The following ACOT12 variants were observed in gnomAD, a reference collection of about 807,000 sequenced individuals.
ACOT12 encodes the protein acyl-CoA thioesterase 12.
ACOT12 carries 51 observed loss-of-function variants against 67.7 expected under a neutral mutation model. That is an observed-to-expected ratio of 0.75 (90% confidence interval 0.60 to 0.95). The LOEUF is 0.95. Among genes scored for constraint, ACOT12 ranks in the 40% least tolerant of loss-of-function variants. The pLI is 0.00. For synonymous variants in ACOT12, 251 were observed against 244.6 expected (o/e 1.03, Z -0.24); for missense variants, 734 against 708.1 (o/e 1.04, Z -0.41).
the ACOT12 span, among the ~76,000 whole-genome samples, chr5:81,317,545 A>G: frequency 6.6e-6 from 1 of 151,640 alleles, no homozygotes; most frequent in Non-Finnish European, 1.5e-5. Flanking sequence ...ACAGTTTCAC[A>G]GGCTATACAG....
rs114791695 is a variant in ACOT12 at position 81,369,439 on chromosome 5, T to A, written c.258+2311A>T. Among the ~76,000 whole-genome samples, 875 of 152,274 alleles carry A rather than the reference T, an allele frequency of 5.7e-3. 5 individuals carry two copies. Among genetic ancestry groups the A allele is most frequent in the African/African-American group, 0.018 (734 of 41,554 alleles). On this transcript the variant is annotated intron_variant, in intron 3 of 14. Transcript: ENST00000307624. ...TTGAACAGGAAGACGCTAAAGGACA[T>A]GTCCAGTTTGAAAAAGTAAAAATAA...
the ACOT12 span, among the ~76,000 whole-genome samples, chr5:81,320,145 C>T: frequency 1.3e-5 from 2 of 152,146 alleles, no homozygotes; most frequent in Non-Finnish European, 2.9e-5. Context: ...TTTCAATCTC[C>T]TTAAAAGCAT....
intron 5 of ACOT12, among the ~76,000 whole-genome samples, chr5:81,352,727 A>G (rs1287431973): frequency 1.3e-5 from 2 of 152,196 alleles, no homozygotes; most frequent in Non-Finnish European, 2.9e-5. Context: ...TTAATTATAT[A>G]TTTAAAAATA....
intron 7 of ACOT12, 25 bp downstream of exon 7, chr5:81,345,860 A>G (rs775849853): frequency 6.2e-7 from 1 of 1,612,988 alleles, no homozygotes; most frequent in Non-Finnish European, 8.5e-7. Flanking sequence ...AAATTTCTTC[A>G]TAGCAGCCTA....
Position 81,345,068 on chromosome 5 carries a change from G to A in ACOT12, c.774-27C>T, listed in dbSNP as rs754862104. On this transcript the variant is annotated intron_variant, in intron 7 of 14. Coordinates refer to ENST00000307624, the MANE Select transcript of ACOT12 (RefSeq NM_130767.3). ...TGTGAAGGGTGATGCAGGGCGGTGG[G>A]CAAAGAGGATCTTGACCCATCAGGC... is the stretch of plus-strand genomic sequence containing the variant. 6.2e-6 allele frequency: 10 copies of A among 1,612,310 alleles called. No homozygotes were observed. In the African/African-American group the frequency reaches 1.2e-4, roughly 19 times the overall value.
At chr5:81,371,546 C>T (rs147831320) in intron 3 of ACOT12, among the ~76,000 whole-genome samples, 2 of 152,286 alleles carry the variant, frequency 1.3e-5, no homozygotes, top group African/African-American at 4.8e-5. Flanking sequence ...AGCTACCATG[C>T]CTGGCCATGT....
intron 2 of ACOT12, among the ~76,000 whole-genome samples, chr5:81,383,133 G>A (rs984258907): frequency 6.6e-6 from 1 of 152,058 alleles, no homozygotes; most frequent in African/African-American, 2.4e-5. Context: ...GGTGGCAGGC[G>A]CATGTAATCC....
chr5:81,393,526 A>AC (rs983431749), intron 1 of ACOT12, among the ~76,000 whole-genome samples: 1 of 151,880 alleles, frequency 6.6e-6, no homozygotes, highest in Non-Finnish European at 1.5e-5. Flanking sequence ...ACATAGTGAG[A>AC]CCCCATCTCT....
rs1759304274 is a variant in ACOT12 at position 81,344,331 on chromosome 5, G to A, written c.925-116C>T. ...AGTCAAAAGGGCTAACTGAGATGTG[G>A]TGTCTCTCCATGAACTGACTTCATC... On this transcript the variant is annotated intron_variant, in intron 8 of 14. Coordinates refer to ENST00000307624, the MANE Select transcript of ACOT12 (RefSeq NM_130767.3). The A allele has an allele frequency of 4.0e-6, 4 of 1,010,606 alleles. 1 individual carries two copies. The highest frequency in any genetic ancestry group is 3.5e-5 in the South Asian group (2 of 57,504). 62.6% of individuals were successfully genotyped at this position (1,010,606 alleles called of 1,614,324 possible).
the ACOT12 span, among the ~76,000 whole-genome samples, chr5:81,313,881 A>G: frequency 1.3e-5 from 2 of 152,174 alleles, no homozygotes; most frequent in Non-Finnish European, 2.9e-5. Context: ...AGCTTAAGGA[A>G]ATGAGTGCTA....
In ACOT12 at chr5:81,378,713, C is replaced by T. The variant is rs1760491456; in HGVS notation, c.198-6903G>A. Among the ~76,000 whole-genome samples the T allele has an allele frequency of 2.6e-5, 4 of 152,122 alleles. No individual in the cohort carries two copies. In the South Asian group the frequency reaches 8.3e-4, roughly 31 times the overall value. On this transcript the variant is annotated intron_variant, in intron 2 of 14. Transcript: ENST00000307624. ...TTCTCAAAAGAAGATATTTATGCTG[C>T]CAACAAACATAAGAAAAAAAGCTCA...
At chr5:81,339,379 A>G (rs1434567994) in intron 11 of ACOT12, among the ~76,000 whole-genome samples, 8 of 152,152 alleles carry the variant, frequency 5.3e-5, no homozygotes, top group Non-Finnish European at 1.2e-4. Context: ...CAAGTGGTTC[A>G]TGTCATTCTG....
At chr5:81,321,647 C>CA in the ACOT12 span, among the ~76,000 whole-genome samples, 3 of 152,054 alleles carry the variant, frequency 2.0e-5, no homozygotes, top group Admixed American at 1.3e-4. Context: ...AATTTTAGGT[C>CA]AAAAAATGAT....
At chr5:81,309,826 CA>C in the ACOT12 span, among the ~76,000 whole-genome samples, 2 of 152,114 alleles carry the variant, frequency 1.3e-5, no homozygotes, top group Non-Finnish European at 2.9e-5. Context: ...CACAGTTTTT[CA>C]ATTTTAATCT....
chr5:81,353,527 C>G (rs943416944), intron 5 of ACOT12, among the ~76,000 whole-genome samples: 1 of 152,060 alleles, frequency 6.6e-6, no homozygotes, highest in Non-Finnish European at 1.5e-5. Flanking sequence ...CCCTAGTTTT[C>G]TTTCTGCATA....
chr5:81,330,801 T>A lies in ACOT12; in HGVS notation c.1518+13A>T. 4 of 1,609,606 alleles carry A rather than the reference T, an allele frequency of 2.5e-6. No individual in the cohort carries two copies. The highest frequency in any genetic ancestry group is 3.4e-6 in the Non-Finnish European group (4 of 1,178,904). ...CAGAGCCAATTAATCTGCAGATGTT[T>A]CATCAAACTTACGATGCATGAATTG... is the stretch of plus-strand genomic sequence containing the variant. On this transcript the variant is annotated intron_variant, in intron 14 of 14. Transcript: ENST00000307624.
chr5:81,344,034 G>T, intron 9 of ACOT12, 126 bp downstream of exon 9: 1 of 1,258,534 alleles, frequency 7.9e-7, no homozygotes, highest in Non-Finnish European at 1.1e-6. Context: ...GTCAGCCTTT[G>T]CGGCCAGGAA....
the ACOT12 span, among the ~76,000 whole-genome samples, chr5:81,311,937 A>G: frequency 1.4e-5 from 2 of 140,844 alleles, no homozygotes; most frequent in Admixed American, 7.5e-5. Flanking sequence ...TCTTATGGAA[A>G]GAGCACTTTT....
intron 11 of ACOT12, among the ~76,000 whole-genome samples, chr5:81,340,451 GC>G (rs1759157700): frequency 6.6e-6 from 1 of 151,756 alleles, no homozygotes. Flanking sequence ...AACCTCTGCC[GC>G]CCAGGTTCAA....
Sources: allele counts gnomAD v4.1 joint callset (sites outside exome capture counted in the v4.1 genomes callset), GRCh38; gene constraint gnomAD v4.1.1; transcripts MANE v1.5; gene names NCBI Gene and HGNC (gene_info 2026-07-23, HGNC 2026-07-21).